The following HTR2C variants were observed in gnomAD, a reference collection of about 807,000 sequenced individuals.
HTR2C encodes 5-hydroxytryptamine (serotonin) receptor 2C, G protein-coupled.
In HTR2C, 5 loss-of-function variants were observed where a neutral mutation model predicts 21.0. The observed-to-expected ratio is 0.24, with a 90% CI of 0.12 to 0.50. HTR2C has a LOEUF of 0.50. HTR2C is among the 20% of genes least tolerant of loss of function. The pLI, the probability that HTR2C is intolerant of heterozygous loss-of-function variation, is 0.98. For missense variants in HTR2C, 271 were observed against 371.2 expected (o/e 0.73, Z 2.22); for synonymous variants, 150 against 145.3 (o/e 1.03, Z -0.23).
At chrX:114,807,110 TATATATATACC>T (rs201474141) in intron 4 of HTR2C, among the ~76,000 whole-genome samples, 523 of 19,324 alleles carry the variant, frequency 0.027, 209 homozygotes, top group Admixed American at 0.047. Flanking sequence ...ATACACCATG[TATATATATACC>T]ATATATACAC....
At chrX:114,619,166 C>T (rs1907484573) in intron 2 of HTR2C, among the ~76,000 whole-genome samples, 3 of 111,084 alleles carry the variant, frequency 2.7e-5, no homozygotes, top group East Asian at 5.7e-4. Context: ...CAAGAAACTG[C>T]GTCATCCTTG....
chrX:114,618,179 C>A, intron 2 of HTR2C, among the ~76,000 whole-genome samples: 1 of 111,910 alleles, frequency 8.9e-6, no homozygotes, highest in Non-Finnish European at 1.9e-5. Context: ...AAACTATCTG[C>A]CACACATATT....
intron 4 of HTR2C, among the ~76,000 whole-genome samples, chrX:114,789,653 C>A (rs2070212044): frequency 9.0e-6 from 1 of 110,847 alleles, no homozygotes; most frequent in African/African-American, 3.3e-5. Context: ...CCATAGAGGT[C>A]ACAAAAGGAA....
Position 114,720,297 on chromosome X carries a change from AG to A in HTR2C, c.-79-6560del, listed in dbSNP as rs1465295499. Among the ~76,000 whole-genome samples, 4 of 111,107 alleles carry A rather than the reference AG, an allele frequency of 3.6e-5. No homozygotes were observed. The East Asian group carries it at 1.1e-3, about 32-fold the overall frequency. On this transcript the variant is annotated intron_variant, in intron 2 of 5. Transcript: ENST00000276198. ...TTTGGAGATTGATTTTTGTGTAGGT[AG>A]CACTGATAGAACTGATAAATGAGAG...
intron 2 of HTR2C, among the ~76,000 whole-genome samples, chrX:114,701,616 C>T (rs1411059704): frequency 9.0e-6 from 1 of 111,625 alleles, no homozygotes; most frequent in Non-Finnish European, 1.9e-5. Context: ...TGGGAAAAAA[C>T]AGAGCAGAAA....
intron 2 of HTR2C, among the ~76,000 whole-genome samples, chrX:114,705,523 G>T (rs1426386897): frequency 9.2e-6 from 1 of 108,506 alleles, no homozygotes; most frequent in Non-Finnish European, 1.9e-5. Flanking sequence ...AGCTGAAACT[G>T]GATCTCTTCC....
At chrX:114,613,014 G>A (rs1182760290) in intron 1 of HTR2C, among the ~76,000 whole-genome samples, 1 of 109,633 alleles carries the variant, frequency 9.1e-6, no homozygotes, top group African/African-American at 3.3e-5. Flanking sequence ...TCGGCTCACT[G>A]CAACTTCCGC....
At chrX:114,603,327 A>AG (rs1411307147) in intron 1 of HTR2C, among the ~76,000 whole-genome samples, 4 of 109,357 alleles carry the variant, frequency 3.7e-5, no homozygotes, top group African/African-American at 1.3e-4. Flanking sequence ...GAGAGATTTG[A>AG]CATAGTTTGT....
intron 4 of HTR2C, among the ~76,000 whole-genome samples, chrX:114,755,681 C>T (rs1043158542): frequency 9.0e-6 from 1 of 110,907 alleles, no homozygotes; most frequent in Non-Finnish European, 1.9e-5. Flanking sequence ...CATTTTTCAC[C>T]CTACTACAAC....
At chrX:114,760,010 G>C (rs2069850529) in intron 4 of HTR2C, among the ~76,000 whole-genome samples, 1 of 111,732 alleles carries the variant, frequency 8.9e-6, no homozygotes. Flanking sequence ...AGGCAAGACA[G>C]TAACAAAGAT....
chrX:114,795,992 C>T (rs182131029), intron 4 of HTR2C, among the ~76,000 whole-genome samples: 44 of 111,405 alleles, frequency 3.9e-4, no homozygotes, highest in Non-Finnish European at 7.2e-4. Flanking sequence ...TACCTTAGAG[C>T]TAATGTTGTT....
chrX:114,683,622 T>TAAAAACATA (rs1931821118), intron 2 of HTR2C, among the ~76,000 whole-genome samples: 1 of 110,483 alleles, frequency 9.1e-6, no homozygotes, highest in East Asian at 2.9e-4. Context: ...CTGTCTCTAC[T>TAAAAACATA]AAAAACATAA....
intron 3 of HTR2C, among the ~76,000 whole-genome samples, chrX:114,727,853 G>A (rs1219470563): frequency 2.7e-5 from 3 of 111,527 alleles, no homozygotes; most frequent in Non-Finnish European, 3.8e-5. Flanking sequence ...AAGAGTCCAA[G>A]AGAACTAGAG....
intron 5 of HTR2C, among the ~76,000 whole-genome samples, chrX:114,877,969 G>A: frequency 9.0e-6 from 1 of 110,596 alleles, no homozygotes; most frequent in East Asian, 2.8e-4. Flanking sequence ...TCTGTTAGAT[G>A]CATTTAGTCT....
chrX:114,805,846 T>TATTTATACCATATATATACC (rs2070412401), intron 4 of HTR2C, among the ~76,000 whole-genome samples: 5 of 41,170 alleles, frequency 1.2e-4, no homozygotes, highest in Non-Finnish European at 2.3e-4. Flanking sequence ...ATATATACCA[T>TATTTATACCATATATATACC]ATATATACCA....
chrX:114,728,326 A>G (rs1166177293), intron 3 of HTR2C, among the ~76,000 whole-genome samples: 6 of 111,494 alleles, frequency 5.4e-5, no homozygotes, highest in Non-Finnish European at 7.5e-5. Flanking sequence ...CTTAAAAACA[A>G]TTAGGATAAA....
At chrX:114,733,752 T>C (rs782797918) in intron 4 of HTR2C, among the ~76,000 whole-genome samples, 6 of 110,954 alleles carry the variant, frequency 5.4e-5, no homozygotes, top group Non-Finnish European at 1.1e-4. Flanking sequence ...AACCATACTT[T>C]GATACACAAA....
chrX:114,688,628 A>G (rs1432536360), intron 2 of HTR2C, among the ~76,000 whole-genome samples: 2 of 111,733 alleles, frequency 1.8e-5, no homozygotes, highest in African/African-American at 3.2e-5. Context: ...ATTTTAACAG[A>G]TTTTTATTCC....
chrX:114,748,432 G>T (rs971864245), intron 4 of HTR2C, among the ~76,000 whole-genome samples: 1 of 110,979 alleles, frequency 9.0e-6, no homozygotes, highest in African/African-American at 3.3e-5. Flanking sequence ...ATGCAGAAAG[G>T]CAAAAGAACT....
Sources: allele counts gnomAD v4.1 joint callset (sites outside exome capture counted in the v4.1 genomes callset), GRCh38; gene constraint gnomAD v4.1.1; transcripts MANE v1.5; gene names NCBI Gene and HGNC (gene_info 2026-07-23, HGNC 2026-07-21).